Variants in PODXL observed in about 807,000 individuals in gnomAD.
PODXL encodes the protein podocalyxin.
PODXL carries 20 observed loss-of-function variants against 48.9 expected under a neutral mutation model. That is an observed-to-expected ratio of 0.41 (90% CI 0.29 to 0.59). The LOEUF (loss-of-function observed/expected upper bound fraction) is 0.59, where lower values mean the gene tolerates loss of function less well. PODXL is among the 20% of genes least tolerant of loss of function. The probability of loss-of-function intolerance (pLI) is 0.31; values close to 1 mark genes in which losing one functional copy is unlikely to be tolerated. For synonymous variants in PODXL, 295 were observed against 287.4 expected (o/e 1.03, Z -0.27); for missense variants, 606 against 675.1 (o/e 0.90, Z 1.13).
chr7:131,556,040 A>C (rs1183011566), intron 1 of PODXL, among the ~76,000 whole-genome samples: 1 of 152,200 alleles, frequency 6.6e-6, no homozygotes, highest in East Asian at 1.9e-4. Flanking sequence ...TCCCGAGTGG[A>C]GAGTGGAGAC....
chr7:131,509,066 G>C (rs1222080065), intron 4 of PODXL, 38 bp from the exon 5 acceptor site: 2 of 1,536,806 alleles, frequency 1.3e-6, no homozygotes, highest in Admixed American at 3.3e-5. Context: ...TGGGCTAATA[G>C]TCATGGAATC....
chr7:131,553,811 AGGTCCCTTT>A (rs1798701798), intron 1 of PODXL, among the ~76,000 whole-genome samples: 1 of 152,204 alleles, frequency 6.6e-6, no homozygotes, highest in Non-Finnish European at 1.5e-5. Context: ...GTGGAACTAG[AGGTCCCTTT>A]GGTTCTTTTA....
rs555920077 is a variant in PODXL, at chr7:131,545,373, T to G, written c.100+10887A>C. On this transcript the variant is annotated intron_variant, in intron 1 of 8. Transcript: ENST00000378555. ...TTCATTTCAGCTAGACACATGTGAG[T>G]GTGTTGTTATAGCTAACGCTTTTCC... 5.3e-5 allele frequency among the ~76,000 whole-genome samples: 8 copies of G among 152,174 alleles called. No homozygotes were observed. In the East Asian group the frequency reaches 1.5e-3, roughly 29 times the overall value.
intron 1 of PODXL, among the ~76,000 whole-genome samples, chr7:131,546,774 CA>C (rs1367669100): frequency 6.7e-6 from 1 of 148,246 alleles, no homozygotes; most frequent in Non-Finnish European, 1.5e-5. Flanking sequence ...CTCAAAGCCC[CA>C]AAGTGAAGGG....
chr7:131,520,793 CA>C (rs1371490969), intron 1 of PODXL, among the ~76,000 whole-genome samples: 2 of 152,184 alleles, frequency 1.3e-5, no homozygotes, highest in African/African-American at 4.8e-5. Flanking sequence ...TTGTGTTCAT[CA>C]AAAGAAACAA....
At position 131,509,592 on chromosome 7, in the gene PODXL, T is replaced by C. The variant is rs1797875590; in HGVS notation, c.803-7A>G. 6.6e-7 allele frequency: 1 copy of C among 1,520,998 alleles called. No individual in the cohort carries two copies. The highest frequency in any genetic ancestry group is 1.4e-5 in the African/African-American group (1 of 71,950). 94.2% of individuals were successfully genotyped at this position (1,520,998 alleles called of 1,614,324 possible). ...TGCGAGATAACCGATGACGCTGTCA[T>C]TGGGAAAACGAGGGTAATGAGAAAA... On this transcript the variant is annotated splice_polypyrimidine_tract_variant and splice_region_variant and intron_variant, in intron 3 of 8. Coordinates refer to ENST00000378555, the MANE Select transcript of PODXL (RefSeq NM_001018111.3).
chr7:131,522,042 A>C (rs541307225), intron 1 of PODXL, among the ~76,000 whole-genome samples: 19 of 152,374 alleles, frequency 1.2e-4, no homozygotes, highest in African/African-American at 4.3e-4. Flanking sequence ...CAGGAATGCC[A>C]GTGAAGGCCG....
intron 3 of PODXL, 55 bp from the exon 4 acceptor site, chr7:131,509,640 G>A: frequency 8.4e-7 from 1 of 1,190,530 alleles, no homozygotes. Flanking sequence ...CTTGCGAGAA[G>A]AGGACAATCT....
intron 1 of PODXL, among the ~76,000 whole-genome samples, chr7:131,544,875 G>A (rs1798547253): frequency 6.6e-6 from 1 of 152,194 alleles, no homozygotes; most frequent in Non-Finnish European, 1.5e-5. Context: ...GCATGAAGGT[G>A]GATGAGACCC....
intron 1 of PODXL, among the ~76,000 whole-genome samples, chr7:131,542,032 G>A (rs536089348): frequency 3.6e-4 from 55 of 152,292 alleles, no homozygotes; most frequent in African/African-American, 1.3e-3. Context: ...ACACTCATGC[G>A]CACAGCTGTG....
chr7:131,536,124 T>C (rs1246862550), intron 1 of PODXL, among the ~76,000 whole-genome samples: 5 of 152,132 alleles, frequency 3.3e-5, no homozygotes, highest in Non-Finnish European at 7.4e-5. Flanking sequence ...GCCTGACAAG[T>C]GTCACTTGTA....
intron 1 of PODXL, among the ~76,000 whole-genome samples, chr7:131,526,739 C>CTTTTTTT (rs57935236): frequency 0.081 from 7,287 of 90,306 alleles, 1,146 homozygotes; most frequent in East Asian, 0.43. Flanking sequence ...CTTCCTTACT[C>CTTTTTTT]TTTTTTTTTT....
At chr7:131,534,783 C>G (rs1468318798) in intron 1 of PODXL, among the ~76,000 whole-genome samples, 1 of 152,172 alleles carries the variant, frequency 6.6e-6, no homozygotes, top group Non-Finnish European at 1.5e-5. Flanking sequence ...GGTGTGGTGG[C>G]TCACACCTGA....
intron 1 of PODXL, among the ~76,000 whole-genome samples, chr7:131,515,934 G>A (rs1797987103): frequency 1.3e-5 from 2 of 152,104 alleles, no homozygotes; most frequent in African/African-American, 4.8e-5. Context: ...TATGTCCCAG[G>A]AGGAAAAACA....
intron 1 of PODXL, among the ~76,000 whole-genome samples, chr7:131,554,986 G>T (rs1383032746): frequency 2.6e-5 from 4 of 152,028 alleles, no homozygotes; most frequent in Non-Finnish European, 5.9e-5. Flanking sequence ...TCTTCCCCCC[G>T]CCGGGACCTT....
intron 1 of PODXL, among the ~76,000 whole-genome samples, chr7:131,548,212 G>C (rs1259591518): frequency 1.3e-5 from 2 of 152,244 alleles, no homozygotes; most frequent in African/African-American, 2.4e-5. Context: ...AGGCGAAGCT[G>C]ATCTGACCGG....
intron 1 of PODXL, among the ~76,000 whole-genome samples, chr7:131,517,938 C>A (rs183939001): frequency 6.6e-6 from 1 of 152,132 alleles, no homozygotes; most frequent in Admixed American, 6.5e-5. Flanking sequence ...GTGGTTTCAC[C>A]ATGTTGGCCA....
At chr7:131,536,291 T>C (rs912290604) in intron 1 of PODXL, among the ~76,000 whole-genome samples, 1 of 152,290 alleles carries the variant, frequency 6.6e-6, no homozygotes, top group Middle Eastern at 3.4e-3. Flanking sequence ...AATCCAATAA[T>C]AGATGCCAGG....
In PODXL at chr7:131,542,539, C is replaced by T. The variant is rs528252700; in HGVS notation, c.100+13721G>A. ...AGGCATGGTGGTGCATGCCTGTGGT[C>T]CCAGCTACACAGGAAGCTGAGGCAG... On this transcript the variant is annotated intron_variant, in intron 1 of 8. Transcript: ENST00000378555. Among the ~76,000 whole-genome samples, 8 of 152,224 alleles carry T rather than the reference C, an allele frequency of 5.3e-5. No individual in the cohort carries two copies. The South Asian group carries it at 1.5e-3, about 28-fold the overall frequency.
Sources: gnomAD v4.1 joint callset for allele counts (sites outside exome capture counted in the v4.1 genomes callset) on GRCh38, gnomAD v4.1.1 for gene constraint, MANE v1.5 for transcripts, NCBI Gene and HGNC (gene_info 2026-07-23, HGNC 2026-07-21) for gene names.